The following FBXO15 variants were observed in gnomAD, a reference collection of about 807,000 sequenced individuals.
The protein encoded by FBXO15 is F-box only protein 15.
A neutral mutation model predicts 49.5 loss-of-function variants in FBXO15; 30 were observed. That is an observed-to-expected ratio of 0.61 (90% CI 0.45 to 0.82). The LOEUF (loss-of-function observed/expected upper bound fraction) is 0.82. Ranked by LOEUF, FBXO15 falls within the 40% of genes least tolerant of loss-of-function variation. The probability of loss-of-function intolerance (pLI) is 0.00; values close to 1 mark genes in which losing one functional copy is unlikely to be tolerated. For synonymous variants in FBXO15, 250 were observed against 232.7 expected, an observed-to-expected ratio of 1.07 and a Z score of -0.68; for missense variants, 591 against 631.5, an observed-to-expected ratio of 0.94 and a Z score of 0.69.
At chr18:74,136,537 C>T (rs1203042627) in intron 2 of FBXO15, among the ~76,000 whole-genome samples, 2 of 152,230 alleles carry the variant, frequency 1.3e-5, no homozygotes, top group African/African-American at 4.8e-5. Context: ...ACCTCGCCCA[C>T]ACCGATCCCA....
chr18:74,084,750 A>C (rs1471038055), intron 8 of FBXO15, among the ~76,000 whole-genome samples: 2 of 152,110 alleles, frequency 1.3e-5, no homozygotes, highest in Non-Finnish European at 2.9e-5. Flanking sequence ...TGGCCTTTAG[A>C]CTCATAAAGA....
intron 1 of FBXO15, among the ~76,000 whole-genome samples, chr18:74,142,028 A>C (rs1372464779): frequency 6.6e-6 from 1 of 152,210 alleles, no homozygotes; most frequent in Non-Finnish European, 1.5e-5. Context: ...AAGTTGCATA[A>C]GGTAAACTTT....
intron 1 of FBXO15, among the ~76,000 whole-genome samples, chr18:74,146,812 T>C (rs901567884): frequency 2.6e-5 from 4 of 151,920 alleles, no homozygotes; most frequent in Non-Finnish European, 5.9e-5. Flanking sequence ...TAGTATGTAA[T>C]AGACTCCCTT....
chr18:74,114,829 A>G (rs1021205790), intron 8 of FBXO15, among the ~76,000 whole-genome samples: 6 of 152,224 alleles, frequency 3.9e-5, no homozygotes, highest in Non-Finnish European at 7.3e-5. Context: ...GGCAGAACAC[A>G]TAAAAATACA....
intron 8 of FBXO15, among the ~76,000 whole-genome samples, chr18:74,103,219 T>C (rs1913601970): frequency 6.6e-6 from 1 of 152,026 alleles, no homozygotes; most frequent in African/African-American, 2.4e-5. Flanking sequence ...ATGAATACTT[T>C]TGCTGAACTG....
Position 74,140,292 on chromosome 18 carries a change from A to C in FBXO15, c.137T>G (p.Leu46Arg). 6.4e-7 allele frequency: 1 copy of C among 1,551,320 alleles called. No homozygotes were observed. The highest frequency in any genetic ancestry group is 8.7e-7 in the Non-Finnish European group (1 of 1,146,854). Residue 46 changes from leucine to arginine, a missense_variant, in exon 2 of 10, where the codon CTT (leucine) becomes CGT (arginine). Coordinates refer to ENST00000419743, the MANE Select transcript of FBXO15 (RefSeq NM_001142958.2). ...CCTCAGGGCAGCAGAGCCTGCAGAA[A>C]GCTTGACCCCTGGCCCCTTTCTGAA... The part of the protein sequence containing the change: ...FGCRKGPGVK[L>R]SAGSAALRCH...
chr18:74,076,745 A>G (rs772192717), intron 9 of FBXO15, among the ~76,000 whole-genome samples: 13 of 152,196 alleles, frequency 8.5e-5, no homozygotes, highest in Non-Finnish European at 1.8e-4. Flanking sequence ...ACGGCTCTCA[A>G]GAAAGAACCA....
intron 4 of FBXO15, 149 bp from the exon 5 acceptor site, chr18:74,129,763 A>C: frequency 1.5e-6 from 1 of 658,582 alleles, no homozygotes; most frequent in East Asian, 2.7e-5. Context: ...TTTTCACTTC[A>C]ACAATAGTAC....
rs761865518 is a variant in FBXO15, at chr18:74,075,512, C to T, written c.1264-1782G>A. ...AGAGGGAAACAGCCTCCCTGGGCCC[C>T]GCAGGCCCCTGCTCTTTCCTCGCTT... On this transcript the variant is annotated intron_variant, in intron 9 of 9. Transcript: ENST00000419743. The surrounding 1 kb of genome is among the most constrained non-coding windows in gnomAD (Gnocchi z 4.1). Among the ~76,000 whole-genome samples, 3 of 152,194 alleles carry T rather than the reference C, an allele frequency of 2.0e-5. No homozygotes were observed. The highest frequency in any genetic ancestry group is 2.1e-4 in the South Asian group (1 of 4,832).
At chr18:74,131,515 C>T (rs148711795) in intron 3 of FBXO15, among the ~76,000 whole-genome samples, 3 of 152,304 alleles carry the variant, frequency 2.0e-5, no homozygotes, top group Non-Finnish European at 4.4e-5. Context: ...CAATAAGCCT[C>T]AATGTTGGAA....
At chr18:74,135,559 T>C (rs184796024) in intron 3 of FBXO15, among the ~76,000 whole-genome samples, 44 of 152,326 alleles carry the variant, frequency 2.9e-4, no homozygotes, top group East Asian at 1.7e-3. Context: ...TTGATTTTTT[T>C]GTTCCATGCA....
intron 2 of FBXO15, among the ~76,000 whole-genome samples, chr18:74,136,691 C>T (rs1305828358): frequency 6.6e-6 from 1 of 152,144 alleles, no homozygotes; most frequent in Non-Finnish European, 1.5e-5. Flanking sequence ...CAATATTCCA[C>T]CTATTTCTAT....
chr18:74,101,318 C>T (rs780630294), intron 8 of FBXO15, among the ~76,000 whole-genome samples: 7 of 152,126 alleles, frequency 4.6e-5, no homozygotes, highest in Non-Finnish European at 1.0e-4. Flanking sequence ...ACATGATCAT[C>T]TCAGTAGATG....
At chr18:74,101,942 C>T (rs1435103337) in intron 8 of FBXO15, among the ~76,000 whole-genome samples, 2 of 151,996 alleles carry the variant, frequency 1.3e-5, no homozygotes, top group Admixed American at 1.3e-4. Context: ...ATCCTCATCT[C>T]CTGCCATACA....
At chr18:74,139,456 T>C (rs1238108468) in intron 2 of FBXO15, among the ~76,000 whole-genome samples, 1 of 152,258 alleles carries the variant, frequency 6.6e-6, no homozygotes, top group Non-Finnish European at 1.5e-5. Flanking sequence ...ATGTCCTTAA[T>C]GAAATATCCT....
At position 74,074,384 on chromosome 18, in the gene FBXO15, G is replaced by C. The variant is rs1912168016; in HGVS notation, c.1264-654C>G. 6.6e-6 allele frequency among the ~76,000 whole-genome samples: 1 copy of C among 152,288 alleles called. No homozygotes were observed. Among genetic ancestry groups the C allele is most frequent in the Non-Finnish European group, 1.5e-5 (1 of 68,034 alleles). Reference sequence around the variant, plus strand: ...TGATCCCAACATCCGTGGGGACCCTGGTGGAGCCTCCAGTATCCTGGACTC... The same window carrying C: ...TGATCCCAACATCCGTGGGGACCCTCGTGGAGCCTCCAGTATCCTGGACTC... On this transcript the variant is annotated intron_variant, in intron 9 of 9. Transcript: ENST00000419743. This position sits in a 1 kb window ranked among gnomAD's most constrained non-coding sequence, Gnocchi z 4.7.
chr18:74,123,114 G>C (rs1599171701), intron 8 of FBXO15: 1 of 377,132 alleles, frequency 2.7e-6, no homozygotes, highest in East Asian at 4.5e-5. Context: ...CATCAGTAGA[G>C]AAGATGAGTA....
chr18:74,079,518 G>A (rs757074083), intron 9 of FBXO15, among the ~76,000 whole-genome samples: 1 of 152,080 alleles, frequency 6.6e-6, no homozygotes, highest in Non-Finnish European at 1.5e-5. Flanking sequence ...AGTGGTGAAG[G>A]TGGTAAATTT....
rs180795479 is a variant in FBXO15 at position 74,129,834 on chromosome 18, T to A, written c.576-220A>T. ...TGAACATCCATGATTTTCCAGGTAC[T>A]GGCAATATATAAATAAGACAAAGGT... On this transcript the variant is annotated intron_variant, in intron 4 of 9. Coordinates refer to ENST00000419743, the MANE Select transcript of FBXO15 (RefSeq NM_001142958.2). Among the ~76,000 whole-genome samples the A allele has an allele frequency of 2.3e-3, 356 of 152,336 alleles. 2 individuals carry two copies. The highest frequency in any genetic ancestry group is 2.7e-3 in the Non-Finnish European group (187 of 68,030).
Sources: gnomAD v4.1 joint callset for allele counts (sites outside exome capture counted in the v4.1 genomes callset) on GRCh38, gnomAD v4.1.1 for gene constraint, Gnocchi (gnomAD v3.1) non-coding constraint, MANE v1.5 for transcripts, NCBI Gene and HGNC (gene_info 2026-07-23, HGNC 2026-07-21) for gene names.